The following ALG6 variants were observed in gnomAD, a reference collection of about 807,000 sequenced individuals.
The protein encoded by ALG6 is ALG6 alpha-1,3-glucosyltransferase.
Under a neutral mutation model 66.6 loss-of-function variants are expected in ALG6, and 46 were observed. The ratio of observed to expected loss-of-function variants is 0.69; its 90% CI spans 0.55 to 0.88. The LOEUF (loss-of-function observed/expected upper bound fraction) is 0.88, where lower values mean the gene tolerates loss of function less well. Among genes scored for constraint, ALG6 ranks in the 40% least tolerant of loss-of-function variants. The pLI, the probability that ALG6 is intolerant of heterozygous loss-of-function variation, is 0.00. For missense variants in ALG6, 505 were observed against 586.8 expected (o/e 0.86, Z 1.44); for synonymous variants, 185 against 203.7 (o/e 0.91, Z 0.78).
chr1:63,386,238 G>T (rs912879356), intron 2 of ALG6, among the ~76,000 whole-genome samples: 6 of 151,850 alleles, frequency 4.0e-5, no homozygotes, highest in Non-Finnish European at 1.5e-5. Context: ...GTGGATTTTT[G>T]CATCAATGTT....
intron 2 of ALG6, among the ~76,000 whole-genome samples, chr1:63,374,628 C>CA (rs5774649): frequency 1.2e-4 from 17 of 145,800 alleles, no homozygotes; most frequent in East Asian, 6.1e-4. Flanking sequence ...ACTCTGTCTC[C>CA]AAAAAAAAAA....
intron 2 of ALG6, among the ~76,000 whole-genome samples, chr1:63,378,253 G>A (rs912383904): frequency 1.3e-5 from 2 of 152,030 alleles, no homozygotes; most frequent in African/African-American, 4.8e-5. Context: ...GAATTGTTTT[G>A]ATGGTTGTTT....
At chr1:63,373,304 G>A (rs1283867031) in intron 2 of ALG6, among the ~76,000 whole-genome samples, 3 of 151,340 alleles carry the variant, frequency 2.0e-5, no homozygotes, top group African/African-American at 7.3e-5. Flanking sequence ...ACTATGTCCA[G>A]TCAATATTTT....
intron 3 of ALG6, among the ~76,000 whole-genome samples, chr1:63,401,205 C>T (rs1644463511): frequency 6.6e-6 from 1 of 152,146 alleles, no homozygotes; most frequent in African/African-American, 2.4e-5. Context: ...TAATTTTAAT[C>T]CCCATCTCTT....
chr1:63,393,105 C>T (rs1648720010), intron 2 of ALG6, among the ~76,000 whole-genome samples: 1 of 151,932 alleles, frequency 6.6e-6, no homozygotes, highest in African/African-American at 2.4e-5. Context: ...CCCAGTGGAC[C>T]AAAAACAAAA....
At chr1:63,372,848 C>T (rs764282145) in intron 2 of ALG6, among the ~76,000 whole-genome samples, 62 of 151,946 alleles carry the variant, frequency 4.1e-4, no homozygotes, top group Non-Finnish European at 5.4e-4. Flanking sequence ...TTAGTAGAGA[C>T]GAGGTTTCAC....
At chr1:63,427,468 A>G (rs1379808542) in intron 12 of ALG6, among the ~76,000 whole-genome samples, 2 of 152,218 alleles carry the variant, frequency 1.3e-5, no homozygotes, top group Admixed American at 6.5e-5. Flanking sequence ...AATAATGATA[A>G]CAATTATTCA....
chr1:63,436,717 C>T, intron 14 of ALG6, 106 bp from the exon 15 acceptor site: 1 of 1,118,370 alleles, frequency 8.9e-7, no homozygotes, highest in Non-Finnish European at 1.3e-6. Context: ...ATTAGACCCT[C>T]AACCCTCACC....
intron 3 of ALG6, among the ~76,000 whole-genome samples, chr1:63,398,483 T>C (rs975651437): frequency 6.6e-6 from 1 of 152,102 alleles, no homozygotes. Flanking sequence ...ATTATATTTC[T>C]TTTTTTTGAG....
intron 3 of ALG6, among the ~76,000 whole-genome samples, chr1:63,400,337 GTATATATATATGTA>G (rs1644456695): frequency 1.2e-3 from 7 of 5,730 alleles, no homozygotes; most frequent in African/African-American, 3.2e-3. Flanking sequence ...ATATATATAC[GTATATATATATGTA>G]TATATATATG....
intron 2 of ALG6, among the ~76,000 whole-genome samples, chr1:63,374,183 G>A (rs1285049570): frequency 2.0e-5 from 3 of 152,176 alleles, no homozygotes; most frequent in African/African-American, 7.2e-5. Flanking sequence ...TTCTGAATGA[G>A]TTCGAGGAAT....
rs549121977 is a variant in ALG6 at position 63,371,173 on chromosome 1, T to C, written c.82+114T>C. 37 of 713,020 alleles carry C rather than the reference T, an allele frequency of 5.2e-5. No individual in the cohort carries two copies. In the African/African-American group the frequency reaches 5.9e-4, roughly 11 times the overall value. The allele number at this position is 713,020 out of a possible 1,614,324, so 44.2% of individuals were successfully genotyped here. On this transcript the variant is annotated intron_variant, in intron 2 of 14. Transcript: ENST00000263440. ...TACAGAGAAGAATTTCAGGCCTTTT[T>C]GATATGGTTGAGAAAATACATTTAA...
intron 5 of ALG6, 151 bp from the exon 6 acceptor site, chr1:63,406,166 T>G: frequency 1.5e-6 from 1 of 689,430 alleles, no homozygotes; most frequent in Non-Finnish European, 2.6e-6. Context: ...GGTGAAGGGA[T>G]TGAAAAGTGC....
intron 11 of ALG6, 81 bp downstream of exon 11, chr1:63,416,038 T>A: frequency 9.6e-7 from 1 of 1,037,842 alleles, no homozygotes; most frequent in South Asian, 1.4e-5. Flanking sequence ...TGCACAGGAT[T>A]TATTGGGTTG....
intron 2 of ALG6, among the ~76,000 whole-genome samples, chr1:63,388,383 C>G (rs930676837): frequency 6.6e-6 from 1 of 152,120 alleles, no homozygotes; most frequent in South Asian, 2.1e-4. Context: ...CCCAGGCTGG[C>G]AAATAACATC....
intron 4 of ALG6, among the ~76,000 whole-genome samples, chr1:63,403,757 C>T (rs1057272140): frequency 2.0e-5 from 3 of 152,132 alleles, no homozygotes; most frequent in African/African-American, 7.2e-5. Flanking sequence ...GTACTGAATA[C>T]TGTAGGCAGT....
intron 11 of ALG6, among the ~76,000 whole-genome samples, chr1:63,416,748 T>C (rs1644547763): frequency 6.6e-6 from 1 of 152,202 alleles, no homozygotes; most frequent in Admixed American, 6.5e-5. Context: ...AGGGTTTTTC[T>C]GAGTAGCTTT....
Position 63,429,145 on chromosome 1 carries a change from A to C in ALG6, c.1326+19A>C. ...ATATTTGGTAAGTTCAATTTTTAAG[A>C]AATGACACATTTTTCAGCATGTCAC... On this transcript the variant is annotated intron_variant, in intron 14 of 14. Coordinates refer to ENST00000263440, the MANE Select transcript of ALG6 (RefSeq NM_013339.4). 1 of 1,538,860 alleles carries C rather than the reference A, an allele frequency of 6.5e-7. No individual in the cohort carries two copies. Among genetic ancestry groups the C allele is most frequent in the Non-Finnish European group, 8.9e-7 (1 of 1,122,474 alleles).
intron 10 of ALG6, 63 bp downstream of exon 10, chr1:63,414,209 T>A: frequency 8.3e-7 from 1 of 1,211,530 alleles, no homozygotes. Context: ...ATTATGGTAT[T>A]ATTTCATTTA....
Sources: allele counts gnomAD v4.1 joint callset (sites outside exome capture counted in the v4.1 genomes callset), GRCh38; gene constraint gnomAD v4.1.1; transcripts MANE v1.5; gene names NCBI Gene and HGNC (gene_info 2026-07-23, HGNC 2026-07-21).